LRRC71: variants seen among roughly 807,000 people sequenced by gnomAD.
LRRC71 encodes leucine rich repeat containing 71.
Under a neutral mutation model 66.6 loss-of-function variants are expected in LRRC71, and 54 were observed. The ratio of observed to expected loss-of-function variants is 0.81; its 90% confidence interval spans 0.65 to 1.02. The LOEUF is 1.02. Ranked by LOEUF, LRRC71 falls within the 50% of genes least tolerant of loss-of-function variation. LRRC71 has a pLI of 0.00. For synonymous variants in LRRC71, 323 were observed against 303.9 expected, an observed-to-expected ratio of 1.06 and a Z score of -0.65; for missense variants, 724 against 718.0, an observed-to-expected ratio of 1.01 and a Z score of -0.10.
At chr1:156,921,745 A>G (rs1423903754) in intron 1 of LRRC71, 1 of 541,764 alleles carries the variant, frequency 1.8e-6, no homozygotes, top group African/African-American at 2.1e-5. Context: ...ACACACACAC[A>G]CACACACACA....
Position 156,932,936 on chromosome 1 carries a change from C to G in LRRC71, c.1647C>G (p.Leu549=). The G allele has an allele frequency of 6.3e-7, 1 of 1,593,606 alleles. No individual in the cohort carries two copies. The change falls in exon 15 of 15, where the codon CTC becomes CTG. Residue 549 remains leucine, a synonymous_variant. Transcript: ENST00000337428. The stretch of plus-strand genomic sequence containing the variant: ...CAAGGGATCCCATCAAGGCCAAACT[C>G]AGGGAGGATGAGGCCATGGCATTCT... The part of the protein sequence containing the change: ...MLPRDPIKAK[L]REDEAMAFFP
downstream of LRRC71, chr1:156,936,845 C>T (rs1655486742): frequency 6.2e-7 from 1 of 1,614,100 alleles, no homozygotes; most frequent in South Asian, 1.1e-5. Context: ...CAGTTCATGG[C>T]TGTTCCTGGA....
In LRRC71 at chr1:156,927,980, A is replaced by G. The variant is rs1235612022; in HGVS notation, c.972A>G (p.Lys324=). 6.2e-7 allele frequency: 1 copy of G among 1,608,284 alleles called. No individual in the cohort carries two copies. The highest frequency in any genetic ancestry group is 2.2e-5 in the East Asian group (1 of 44,724). The change falls in exon 9 of 15, where the codon AAA becomes AAG. Residue 324 remains lysine, a synonymous_variant. Transcript: ENST00000337428. The stretch of plus-strand genomic sequence containing the variant: ...AGCGCCGACGCCTCCTGCTGGAAAA[A>G]GGGACACAGGAGCGCTCGCGATCGG... ...VVERRRLLLE[K]GTQERSRSPS...
the LRRC71 span, chr1:156,939,960 G>A: frequency 1.3e-5 from 21 of 1,582,490 alleles, no homozygotes; most frequent in Non-Finnish European, 1.5e-5. Flanking sequence ...TGCACACCAC[G>A]CCAGAAGGAT....
the LRRC71 span, chr1:156,939,952 C>T: frequency 1.3e-6 from 2 of 1,587,478 alleles, no homozygotes; most frequent in African/African-American, 1.4e-5. Flanking sequence ...CATGGGACTG[C>T]ACACCACGCC....
intron 7 of LRRC71, 30 bp from the exon 8 acceptor site, chr1:156,927,703 G>A: frequency 3.1e-6 from 5 of 1,606,094 alleles, no homozygotes; most frequent in Non-Finnish European, 4.2e-6. Flanking sequence ...GGCGGCTTGG[G>A]CGGCTCACGC....
At chr1:156,929,107 A>C (rs1247155296) in intron 9 of LRRC71, among the ~76,000 whole-genome samples, 173 bp from the exon 10 acceptor site, 1 of 152,050 alleles carries the variant, frequency 6.6e-6, no homozygotes, top group Non-Finnish European at 1.5e-5. Context: ...TCCCGAAAGC[A>C]TCTCACCCCA....
chr1:156,921,699 CA>C lies in LRRC71; in HGVS notation c.160+737del, dbSNP rs151268584. ...ATACAATCCCCTACAGGTACGAAGC[CA>C]GTTACATTCAAAACACACACACACA... On this transcript the variant is annotated intron_variant, in intron 1 of 14. Transcript: ENST00000337428. 6 of 789,774 alleles carry C rather than the reference CA, an allele frequency of 7.6e-6. No homozygotes were observed. The East Asian group carries it at 7.6e-4, about 100-fold the overall frequency. 48.9% of individuals were successfully genotyped at this position (789,774 alleles called of 1,614,324 possible). A position where few individuals can be genotyped will look rare whatever the true frequency, so the allele number is the denominator to read the frequency against.
Position 156,927,586 on chromosome 1 carries a change from C to CCGGA in LRRC71, c.755_758dup (p.Leu254AspfsTer14). ...CGCTGTCCACGCTGCACAGCTGCAA[C>CCGGA]CGGACCCTCGTCTCGCTCAACCTGG... On this transcript the variant is annotated frameshift_variant, in exon 7 of 15. Coordinates refer to ENST00000337428, the MANE Select transcript of LRRC71 (RefSeq NM_144702.3). LOFTEE classifies it high-confidence loss of function. The CCGGA allele has an allele frequency of 6.3e-7, 1 of 1,598,430 alleles. No individual in the cohort carries two copies. Among genetic ancestry groups the CCGGA allele is most frequent in the East Asian group, 2.2e-5 (1 of 44,764 alleles).
intron 7 of LRRC71, 22 bp from the exon 8 acceptor site, chr1:156,927,711 C>T: frequency 1.2e-6 from 2 of 1,606,254 alleles, no homozygotes; most frequent in Non-Finnish European, 8.5e-7. Flanking sequence ...GGGCGGCTCA[C>T]GCGTCCCTGC....
intron 10 of LRRC71, 92 bp downstream of exon 10, chr1:156,929,521 A>T (rs1571064791): frequency 6.4e-7 from 1 of 1,570,670 alleles, no homozygotes; most frequent in Non-Finnish European, 8.7e-7. Flanking sequence ...AGAAGGCCAC[A>T]TGGGCCTTTG....
chr1:156,938,836 C>T, the LRRC71 span: 1 of 348,032 alleles, frequency 2.9e-6, no homozygotes, highest in Non-Finnish European at 5.2e-6. Context: ...AGCGTGGAAC[C>T]CCATCCCATG....
At chr1:156,928,350 T>TCTCTTCTTCTTC (rs1441712804) in intron 9 of LRRC71, among the ~76,000 whole-genome samples, 1 of 76,964 alleles carries the variant, frequency 1.3e-5, no homozygotes, top group Non-Finnish European at 2.7e-5. Context: ...CTTCTTTCTT[T>TCTCTTCTTCTTC]CTCTTCTTCT....
At chr1:156,938,427 T>C in the LRRC71 span, 1 of 1,613,722 alleles carries the variant, frequency 6.2e-7, no homozygotes, top group Non-Finnish European at 8.5e-7. Flanking sequence ...CCCGTAGCCT[T>C]TGTTCCGCCT....
At chr1:156,921,690 G>A in intron 1 of LRRC71, 2 of 925,038 alleles carry the variant, frequency 2.2e-6, no homozygotes, top group Non-Finnish European at 2.6e-6. Context: ...TCCCCTACAG[G>A]TACGAAGCCA....
Position 156,932,473 on chromosome 1 carries a change from G to T in LRRC71, c.1491G>T (p.Gln497His). ...TGGAGGGCTTCCTCGCCACGGTGCAGTATCAGATGCAGTTCTCCAAGGCCA... is the reference window on the plus strand; with the variant it reads ...TGGAGGGCTTCCTCGCCACGGTGCATTATCAGATGCAGTTCTCCAAGGCCA... ...VGLEGFLATV[Q>H]YQMQFSKAKS... The change falls in exon 14 of 15, where the codon CAG becomes CAT. Residue 497 changes from glutamine (Q) to histidine (H), a missense_variant. By Grantham distance (24) the Gln-to-His change is conservative. Transcript: ENST00000337428. 2.5e-6 allele frequency: 4 copies of T among 1,613,952 alleles called. No individual in the cohort carries two copies. The highest frequency in any genetic ancestry group is 3.4e-6 in the Non-Finnish European group (4 of 1,179,866).
Position 156,923,976 on chromosome 1 carries a change from A to T in LRRC71, c.188A>T (p.Glu63Val), listed in dbSNP as rs1487462621. ...GAGTACCAGTGCTCCGGGGTCCTCGAGACCGACTTCGCCGAGCTCTGCACG... is the reference window on the plus strand; with the variant it reads ...GAGTACCAGTGCTCCGGGGTCCTCGTGACCGACTTCGCCGAGCTCTGCACG... ...PEEYQCSGVL[E>V]TDFAELCTRW... is the part of the protein sequence containing the mutation. Residue 63 changes from glutamate (E) to valine (V), a missense_variant, in exon 2 of 15, where the codon GAG (glutamate) becomes GTG (valine). By Grantham distance (121) the Glu-to-Val change is moderately radical (BLOSUM62 -2). Coordinates refer to ENST00000337428, the MANE Select transcript of LRRC71 (RefSeq NM_144702.3). The T allele has an allele frequency of 6.5e-7, 1 of 1,537,446 alleles. No individual in the cohort carries two copies. The highest frequency in any genetic ancestry group is 1.2e-5 in the South Asian group (1 of 81,724).
In LRRC71 at chr1:156,920,897, C is replaced by A. The variant is rs1390610748; in HGVS notation, c.94C>A (p.Arg32Ser). Residue 32 changes from arginine (R) to serine (S), a missense_variant, in exon 1 of 15, where the codon CGC becomes AGC. Physicochemically the swap from Arg to Ser is moderately radical, Grantham distance 110. Transcript: ENST00000337428. The surrounding 1 kb of genome is among the most constrained non-coding windows in gnomAD (Gnocchi z 4.9). ...SSGAVTKKGE[R>S]AAKEKPATVL... The stretch of plus-strand genomic sequence containing the variant: ...TGGCGCGGTGACCAAAAAGGGAGAG[C>A]GCGCGGCCAAAGAGAAGCCAGCGAC... The A allele has an allele frequency of 6.5e-7, 1 of 1,540,164 alleles. No homozygotes were observed. Among genetic ancestry groups the A allele is most frequent in the Non-Finnish European group, 8.8e-7 (1 of 1,142,536 alleles).
downstream of LRRC71, among the ~76,000 whole-genome samples, chr1:156,934,387 GGAT>G (rs1481102435): frequency 6.6e-6 from 1 of 152,124 alleles, no homozygotes; most frequent in African/African-American, 2.4e-5. Flanking sequence ...GGATGTGGAT[GGAT>G]GATGACAGTG....
Sources: gnomAD v4.1 joint callset for allele counts (sites outside exome capture counted in the v4.1 genomes callset) on GRCh38, gnomAD v4.1.1 for gene constraint, Gnocchi (gnomAD v3.1) non-coding constraint, MANE v1.5 for transcripts, NCBI Gene and HGNC (gene_info 2026-07-23, HGNC 2026-07-21) for gene names.